Variants in RFT1 observed in about 807,000 individuals in gnomAD.
The protein encoded by RFT1 is man(5)GlcNAc(2)-PP-dolichol translocation protein RFT1.
A neutral mutation model predicts 62.2 loss-of-function variants in RFT1; 43 were observed. The observed-to-expected ratio is 0.69, with a 90% CI of 0.54 to 0.89. RFT1 has a LOEUF of 0.89. Ranked by LOEUF, RFT1 falls within the 40% of genes least tolerant of loss-of-function variation. RFT1 has a pLI of 0.00. For missense variants in RFT1, 605 were observed against 649.9 expected, an observed-to-expected ratio of 0.93 and a Z score of 0.75; for synonymous variants, 262 against 264.6, an observed-to-expected ratio of 0.99 and a Z score of 0.10.
downstream of RFT1, among the ~76,000 whole-genome samples, chr3:53,083,548 C>T (rs1213953993): frequency 6.6e-6 from 1 of 150,930 alleles, no homozygotes; most frequent in African/African-American, 2.4e-5. Flanking sequence ...AGGTGGATTT[C>T]TCCAGTGATG....
intron 8 of RFT1, 38 bp from the exon 9 acceptor site, chr3:53,105,841 T>G (rs1701456714): frequency 6.3e-7 from 1 of 1,581,594 alleles, no homozygotes; most frequent in Non-Finnish European, 8.6e-7. Flanking sequence ...ATCATGTTGG[T>G]TTTTCTATTT....
intron 9 of RFT1, 113 bp from the exon 10 acceptor site, chr3:53,104,210 C>T (rs1443445864): frequency 2.2e-5 from 23 of 1,048,440 alleles, no homozygotes; most frequent in Non-Finnish European, 3.1e-5. Context: ...CTTCCAACAG[C>T]GTGATGGATA....
intron 2 of RFT1, among the ~76,000 whole-genome samples, chr3:53,125,597 G>C (rs1022491334): frequency 7.2e-5 from 11 of 152,202 alleles, no homozygotes; most frequent in African/African-American, 2.7e-4. Flanking sequence ...TTATATCTGA[G>C]AGAGAGTTTT....
chr3:53,092,144 C>G, intron 12 of RFT1, 74 bp from the exon 13 acceptor site: 2 of 1,572,112 alleles, frequency 1.3e-6, no homozygotes, highest in Non-Finnish European at 1.7e-6. Context: ...CCAGGGAAGA[C>G]AGCTGTGGTT....
rs945535700 is a variant in RFT1 at position 53,090,459 on chromosome 3, A to G, written c.*1444T>C. ...CCTCTAATTGCTCAGGACACCTTGC[A>G]TTTAGCTGCTTTTCTCCCACTTAGT... On this transcript the variant is annotated 3_prime_UTR_variant, in exon 13 of 13. Coordinates refer to ENST00000296292, the MANE Select transcript of RFT1 (RefSeq NM_052859.4). The G allele has an allele frequency of 4.6e-5, 7 of 152,338 alleles. No homozygotes were observed. The highest frequency in any genetic ancestry group is 2.6e-4 in the Admixed American group (4 of 15,286). The allele number at this position is 152,338 out of a possible 1,614,324, so 9.4% of individuals were successfully genotyped here.
At chr3:53,109,327 G>C (rs1701581668) in intron 7 of RFT1, among the ~76,000 whole-genome samples, 1 of 152,188 alleles carries the variant, frequency 6.6e-6, no homozygotes, top group Non-Finnish European at 1.5e-5. Flanking sequence ...TAGGAAATGA[G>C]TTTCCAAGTA....
downstream of RFT1, among the ~76,000 whole-genome samples, chr3:53,086,984 T>A (rs541574176): frequency 6.6e-6 from 1 of 152,114 alleles, no homozygotes; most frequent in Non-Finnish European, 1.5e-5. Context: ...ACGCCTGTAA[T>A]CCCAGCACTT....
intron 7 of RFT1, among the ~76,000 whole-genome samples, chr3:53,111,243 A>C (rs759806069): frequency 2.4e-4 from 36 of 151,982 alleles, no homozygotes; most frequent in Non-Finnish European, 4.3e-4. Context: ...GTCTCTACTA[A>C]AAATACAAAA....
At chr3:53,097,474 T>C (rs1377795512) in intron 11 of RFT1, among the ~76,000 whole-genome samples, 1 of 152,266 alleles carries the variant, frequency 6.6e-6, no homozygotes, top group Non-Finnish European at 1.5e-5. Flanking sequence ...ACTAATACTA[T>C]GAAAATAATT....
intron 7 of RFT1, among the ~76,000 whole-genome samples, chr3:53,108,685 C>T (rs1184404121): frequency 6.7e-6 from 1 of 148,822 alleles, no homozygotes; most frequent in East Asian, 2.0e-4. Flanking sequence ...ACCCAGCTTG[C>T]TTTCATATCT....
chr3:53,068,014 T>C, the RFT1 span, among the ~76,000 whole-genome samples: 1 of 152,190 alleles, frequency 6.6e-6, no homozygotes, highest in African/African-American at 2.4e-5. Flanking sequence ...CTGGACCACA[T>C]GTCACCTCCA....
intron 5 of RFT1, among the ~76,000 whole-genome samples, chr3:53,120,555 G>A (rs1207749331): frequency 6.6e-6 from 1 of 152,152 alleles, no homozygotes; most frequent in African/African-American, 2.4e-5. Flanking sequence ...GAAAGGGTAG[G>A]GTGATAAGAG....
chr3:53,130,195 T>G, intron 1 of RFT1, 143 bp downstream of exon 1: 1 of 828,352 alleles, frequency 1.2e-6, no homozygotes, highest in Non-Finnish European at 2.0e-6. Context: ...TGCCACCGTC[T>G]CCGGTCGACC....
Position 53,106,863 on chromosome 3 carries a change from C to A in RFT1, c.782G>T (p.Arg261Leu). ...TACATTCAAAAATGTCATCACATAT[C>A]GCTCGCCTATAAACAAAAAAGCAAA... ...FLKQILTEGE[R>L]YVMTFLNVLN... is the part of the protein sequence containing the mutation. Residue 261 changes from arginine to leucine, a missense_variant, in exon 8 of 13, where the codon CGA becomes CTA. Arg to Leu is a moderately radical substitution (Grantham distance 102). Coordinates refer to ENST00000296292, the MANE Select transcript of RFT1 (RefSeq NM_052859.4). 6.2e-7 allele frequency: 1 copy of A among 1,612,762 alleles called. No individual in the cohort carries two copies.
the RFT1 span, among the ~76,000 whole-genome samples, chr3:53,072,356 A>T: frequency 6.6e-6 from 1 of 152,084 alleles, no homozygotes; most frequent in South Asian, 2.1e-4. Flanking sequence ...AGTTTCCCCA[A>T]CTGCAAAAGT....
intron 11 of RFT1, among the ~76,000 whole-genome samples, chr3:53,096,683 C>CA (rs771990693): frequency 2.0e-5 from 3 of 151,178 alleles, no homozygotes; most frequent in African/African-American, 7.3e-5. Flanking sequence ...ACTCTTGTCT[C>CA]AAAAAAAAGC....
At chr3:53,108,110 G>A (rs556091103) in intron 7 of RFT1, among the ~76,000 whole-genome samples, 2 of 151,980 alleles carry the variant, frequency 1.3e-5, no homozygotes, top group East Asian at 1.9e-4. Context: ...GTGCAGTGGC[G>A]CGATCTCAGC....
chr3:53,105,771 G>A lies in RFT1; in HGVS notation c.859C>T (p.Leu287Phe). 4.3e-6 allele frequency: 7 copies of A among 1,613,744 alleles called. No individual in the cohort carries two copies. Among genetic ancestry groups the A allele is most frequent in the Non-Finnish European group, 5.1e-6 (6 of 1,179,812 alleles). The change falls in exon 9 of 13, where the codon CTT (leucine) becomes TTT (phenylalanine). Residue 287 changes from leucine (L) to phenylalanine (F), a missense_variant. Leu to Phe is a conservative substitution (Grantham distance 22, BLOSUM62 0). Transcript: ENST00000296292. The part of the protein sequence containing the change: ...VYDIVNNLGS[L>F]VARLIFQPIE... The stretch of plus-strand genomic sequence containing the variant: ...GGCTGGAAAATTAATCTGGCCACAA[G>A]GGAGCCAAGATTATTCACTATATCA...
intron 6 of RFT1, among the ~76,000 whole-genome samples, chr3:53,112,274 G>A (rs1166649479): frequency 2.0e-5 from 3 of 152,200 alleles, no homozygotes; most frequent in African/African-American, 7.2e-5. Context: ...AAGAAATTCT[G>A]CTCCATATAC....
Sources: allele counts gnomAD v4.1 joint callset (sites outside exome capture counted in the v4.1 genomes callset), GRCh38; gene constraint gnomAD v4.1.1; transcripts MANE v1.5; gene names NCBI Gene and HGNC (gene_info 2026-07-23, HGNC 2026-07-21).